The following RND2 variants were observed in gnomAD, a reference collection of about 807,000 sequenced individuals.
The protein encoded by RND2 is Rho family GTPase 2.
In RND2, 16 loss-of-function variants were observed where a neutral mutation model predicts 25.9. The ratio of observed to expected loss-of-function variants is 0.62; its 90% confidence interval spans 0.42 to 0.94. RND2 has a LOEUF of 0.94. Among genes scored for constraint, RND2 ranks in the 40% least tolerant of loss-of-function variants. The pLI is 0.00. For missense variants in RND2, 276 were observed against 305.5 expected, an observed-to-expected ratio of 0.90 and a Z score of 0.72; for synonymous variants, 97 against 118.1, an observed-to-expected ratio of 0.82 and a Z score of 1.16.
rs1327353271 is a variant in RND2 at position 43,031,519 on chromosome 17, G to C, written c.*2839G>C. Reference sequence around the variant, plus strand: ...TCGACTTGCGATTTTTAGCTGAGTGGCTTCTCTTTTCCACTTTGGACTTCT... The same window carrying C: ...TCGACTTGCGATTTTTAGCTGAGTGCCTTCTCTTTTCCACTTTGGACTTCT... On this transcript the variant is annotated 3_prime_UTR_variant, in exon 5 of 5. Transcript: ENST00000587250. 6.6e-6 allele frequency: 1 copy of C among 152,130 alleles called. No individual in the cohort carries two copies. The highest frequency in any genetic ancestry group is 1.5e-5 in the Non-Finnish European group (1 of 68,028). 9.4% of individuals were successfully genotyped at this position (152,130 alleles called of 1,614,324 possible).
In RND2 at chr17:43,025,369, T is replaced by TGCA; in HGVS notation, c.23_25dup (p.Cys8_Lys9insSer). On this transcript the variant is annotated inframe_insertion, in exon 1 of 5. Coordinates refer to ENST00000587250, the MANE Select transcript of RND2 (RefSeq NM_005440.5). ...GACCATGGAGGGGCAGAGCGGCCGC[T>TGCA]GCAAGATCGTGGTGGTGGGAGACGC... 1 of 1,551,536 alleles carries TGCA rather than the reference T, an allele frequency of 6.4e-7. No individual in the cohort carries two copies.
In RND2 at chr17:43,025,461, G is replaced by T. The variant is rs2050612887; in HGVS notation, c.102+12G>T. On this transcript the variant is annotated intron_variant, in intron 1 of 4. Coordinates refer to ENST00000587250, the MANE Select transcript of RND2 (RefSeq NM_005440.5). Reference sequence around the variant, plus strand: ...ACGCCTATCCCGGGGTGAGGGACCTGCGTCTTGGGAGGGGGACGCTAAGGC... The same window carrying T: ...ACGCCTATCCCGGGGTGAGGGACCTTCGTCTTGGGAGGGGGACGCTAAGGC... The T allele has an allele frequency of 1.9e-6, 3 of 1,545,388 alleles. No individual in the cohort carries two copies. Among genetic ancestry groups the T allele is most frequent in the Non-Finnish European group, 2.6e-6 (3 of 1,144,586 alleles).
chr17:43,029,032 G>C lies in RND2; in HGVS notation c.*352G>C, dbSNP rs1020691217. 7.2e-6 allele frequency: 2 copies of C among 278,720 alleles called. No individual in the cohort carries two copies. 17.3% of individuals were successfully genotyped at this position (278,720 alleles called of 1,614,324 possible). On this transcript the variant is annotated 3_prime_UTR_variant, in exon 5 of 5. Transcript: ENST00000587250. ...CCCCAGTCCCCATATCCTGGTTCTGGCCCAAGGAAAATGTCCATTCTATGA... is the reference window on the plus strand; with the variant it reads ...CCCCAGTCCCCATATCCTGGTTCTGCCCCAAGGAAAATGTCCATTCTATGA...
At chr17:43,028,238 C>T (rs1333411579) in intron 4 of RND2, 43 bp downstream of exon 4, 2 of 1,610,442 alleles carry the variant, frequency 1.2e-6, no homozygotes, top group Non-Finnish European at 1.7e-6. Flanking sequence ...CTAGACCTGT[C>T]ACCTCTGCCC....
rs1277132108 is a variant in RND2 at position 43,025,281 on chromosome 17, G to T, written c.-67G>T. 3.6e-6 allele frequency: 5 copies of T among 1,385,020 alleles called. No homozygotes were observed. Among genetic ancestry groups the T allele is most frequent in the Non-Finnish European group, 4.8e-6 (5 of 1,051,876 alleles). 85.8% of individuals were successfully genotyped at this position (1,385,020 alleles called of 1,614,324 possible). ...GCGGCCCGAGCGGCTGCAGTTGCAGGGGCGGGGGAGGCGGCGGCGGGGCCC... is the reference window on the plus strand; with the variant it reads ...GCGGCCCGAGCGGCTGCAGTTGCAGTGGCGGGGGAGGCGGCGGCGGGGCCC... On this transcript the variant is annotated 5_prime_UTR_variant, in exon 1 of 5. Coordinates refer to ENST00000587250, the MANE Select transcript of RND2 (RefSeq NM_005440.5).
At chr17:43,027,318 C>A (rs1182683979) in intron 3 of RND2, 26 bp downstream of exon 3, 1 of 1,519,664 alleles carries the variant, frequency 6.6e-7, no homozygotes, top group Non-Finnish European at 9.1e-7. Flanking sequence ...AATAGGGCAG[C>A]TAGACTGAGG....
rs1270015766 is a variant in RND2 at position 43,030,429 on chromosome 17, C to G, written c.*1749C>G. ...TCAGCAAGTATGTACTGAACACCAA[C>G]TGTGTGGCATACACTGGCTTGGGAG... On this transcript the variant is annotated 3_prime_UTR_variant, in exon 5 of 5. Transcript: ENST00000587250. 3 of 152,722 alleles carry G rather than the reference C, an allele frequency of 2.0e-5. No homozygotes were observed. 9.5% of individuals were successfully genotyped at this position (152,722 alleles called of 1,614,324 possible).
chr17:43,028,712 G>A lies in RND2; in HGVS notation c.*32G>A. On this transcript the variant is annotated 3_prime_UTR_variant, in exon 5 of 5. Coordinates refer to ENST00000587250, the MANE Select transcript of RND2 (RefSeq NM_005440.5). Reference sequence around the variant, plus strand: ...AGGAGAGGGCAGAGTGTGAAGAGGGGTGGTGAGGGACACAATTGTTCCCCT... The same window carrying A: ...AGGAGAGGGCAGAGTGTGAAGAGGGATGGTGAGGGACACAATTGTTCCCCT... 2 of 1,527,220 alleles carry A rather than the reference G, an allele frequency of 1.3e-6. No homozygotes were observed. Among genetic ancestry groups the A allele is most frequent in the Non-Finnish European group, 1.8e-6 (2 of 1,134,024 alleles). The allele number at this position is 1,527,220 out of a possible 1,614,324, so 94.6% of individuals were successfully genotyped here. A position where few individuals can be genotyped will look rare whatever the true frequency, so the allele number is the denominator to read the frequency against.
chr17:43,028,690 A>T lies in RND2; in HGVS notation c.*10A>T. The T allele has an allele frequency of 1.9e-6, 3 of 1,553,036 alleles. No individual in the cohort carries two copies. On this transcript the variant is annotated 3_prime_UTR_variant, in exon 5 of 5. Transcript: ENST00000587250. ...CTGCAACCTCATGTGAGGGGCTAGG[A>T]GAGGGCAGAGTGTGAAGAGGGGTGG...
Position 43,028,412 on chromosome 17 carries a change from T to C in RND2, c.436-20T>C, listed in dbSNP as rs369563424. On this transcript the variant is annotated intron_variant, in intron 4 of 4. Transcript: ENST00000587250. Reference sequence around the variant, plus strand: ...GGCTAAGACCTATAACTTTCTCCCATGCACTCCTTCCTTTTCCAGGGCACT... The same window carrying C: ...GGCTAAGACCTATAACTTTCTCCCACGCACTCCTTCCTTTTCCAGGGCACT... The C allele has an allele frequency of 1.2e-6, 2 of 1,610,756 alleles. No individual in the cohort carries two copies. The highest frequency in any genetic ancestry group is 1.7e-6 in the Non-Finnish European group (2 of 1,177,260).
intron 2 of RND2, 27 bp downstream of exon 2, chr17:43,026,074 G>A (rs2050621049): frequency 1.9e-6 from 3 of 1,560,910 alleles, no homozygotes; most frequent in Non-Finnish European, 2.6e-6. Context: ...GGGTCACCCT[G>A]ACTTCCAAGG....
At chr17:43,026,273 G>A in intron 2 of RND2, 2 of 506,224 alleles carry the variant, frequency 4.0e-6, no homozygotes, top group South Asian at 2.9e-5. Context: ...CCCCTCAGCT[G>A]GGTCCTGCCT....
In RND2 at chr17:43,028,825, G is replaced by C. The variant is rs1009871186; in HGVS notation, c.*145G>C. On this transcript the variant is annotated 3_prime_UTR_variant, in exon 5 of 5. Transcript: ENST00000587250. ...CAATTCTGGGCAGGGGAGCTGGAGG[G>C]CAGAAGGGTATCATCGTTTCTCATC... 3 of 1,188,236 alleles carry C rather than the reference G, an allele frequency of 2.5e-6. No individual in the cohort carries two copies. The highest frequency in any genetic ancestry group is 2.5e-5 in the Admixed American group (1 of 39,972). 73.6% of individuals were successfully genotyped at this position (1,188,236 alleles called of 1,614,324 possible).
Position 43,028,931 on chromosome 17 carries a change from G to A in RND2, c.*251G>A, listed in dbSNP as rs893587921. 7.3e-6 allele frequency: 4 copies of A among 544,874 alleles called. No individual in the cohort carries two copies. Among genetic ancestry groups the A allele is most frequent in the Non-Finnish European group, 1.3e-5 (4 of 309,842 alleles). 33.8% of individuals were successfully genotyped at this position (544,874 alleles called of 1,614,324 possible). On this transcript the variant is annotated 3_prime_UTR_variant, in exon 5 of 5. Transcript: ENST00000587250. ...TGGGGCATGAACTGGGATGGGGCAG[G>A]TGGGCGTTAGGGAAGCTGGTATCAA... is the stretch of plus-strand genomic sequence containing the variant.
chr17:43,027,176 C>T lies in RND2; in HGVS notation c.191-7C>T, dbSNP rs182660364. 1.7e-3 allele frequency: 2,650 copies of T among 1,585,534 alleles called. 7 individuals carry two copies. The highest frequency in any genetic ancestry group is 1.5e-3 in the Non-Finnish European group (1,761 of 1,162,334). On this transcript the variant is annotated splice_region_variant and splice_polypyrimidine_tract_variant and intron_variant, in intron 2 of 4. Transcript: ENST00000587250. ...ACTCAGGCCCCTCATGCCCTGTCTT[C>T]CTTCAGGTTCCTCTTACTATGATAA... is the stretch of plus-strand genomic sequence containing the variant.
intron 1 of RND2, 106 bp from the exon 2 acceptor site, chr17:43,025,854 C>T (rs1195296264): frequency 5.2e-6 from 2 of 384,730 alleles, no homozygotes; most frequent in Non-Finnish European, 9.2e-6. Context: ...CCCAGACCAA[C>T]TTGTGTCCAG....
chr17:43,025,896 A>C, intron 1 of RND2, 64 bp from the exon 2 acceptor site: 1 of 1,039,522 alleles, frequency 9.6e-7, no homozygotes. Context: ...GGGAGTGAGG[A>C]GGGCATTTAT....
intron 4 of RND2, 116 bp from the exon 5 acceptor site, chr17:43,028,316 G>A (rs1490606783): frequency 7.0e-6 from 11 of 1,581,690 alleles, no homozygotes; most frequent in Non-Finnish European, 8.6e-6. Flanking sequence ...CCTCTGACCT[G>A]ATCCCTTGAC....
intron 3 of RND2, 78 bp downstream of exon 3, chr17:43,027,370 G>A: frequency 1.0e-6 from 1 of 968,954 alleles, no homozygotes; most frequent in Non-Finnish European, 1.6e-6. Context: ...TGGGCCAGGA[G>A]GAGGGAGTGA....
Sources: allele counts gnomAD v4.1 joint callset, GRCh38; gene constraint gnomAD v4.1.1; transcripts MANE v1.5; gene names NCBI Gene and HGNC (gene_info 2026-07-23, HGNC 2026-07-21).